Variants in TMEM131 observed in about 807,000 individuals in gnomAD.
TMEM131 encodes transmembrane protein 131.
TMEM131 carries 66 observed loss-of-function variants against 211.6 expected under a neutral mutation model. That is an observed-to-expected ratio of 0.31 (90% CI 0.26 to 0.38). The LOEUF is 0.38. Among genes scored for constraint, TMEM131 ranks in the 10% least tolerant of loss-of-function variants. The pLI is 1.00. For missense variants in TMEM131, 2,036 were observed against 2,299.3 expected, an observed-to-expected ratio of 0.89 and a Z score of 2.34; for synonymous variants, 844 against 841.3, an observed-to-expected ratio of 1.00 and a Z score of -0.06.
chr2:97,773,867 T>C (rs1016601702), intron 32 of TMEM131, among the ~76,000 whole-genome samples: 5 of 152,190 alleles, frequency 3.3e-5, no homozygotes, highest in African/African-American at 1.2e-4. Context: ...TGGAGTGGGC[T>C]GTGTACTAAA....
chr2:97,952,433 AC>A (rs1487039828), intron 1 of TMEM131, among the ~76,000 whole-genome samples: 1 of 152,234 alleles, frequency 6.6e-6, no homozygotes, highest in African/African-American at 2.4e-5. Context: ...AAAACTAAAG[AC>A]AAAAAGTCTT....
At chr2:97,991,690 G>A (rs1275531962) in intron 1 of TMEM131, among the ~76,000 whole-genome samples, 1 of 152,172 alleles carries the variant, frequency 6.6e-6, no homozygotes, top group Non-Finnish European at 1.5e-5. Flanking sequence ...ACAAGAGACC[G>A]TAGGGGAAAA....
chr2:97,825,565 A>G (rs1271549964), intron 11 of TMEM131, among the ~76,000 whole-genome samples: 8 of 152,222 alleles, frequency 5.3e-5, no homozygotes, highest in Non-Finnish European at 1.2e-4. Context: ...ATACTCATCT[A>G]GTAGAATAGG....
chr2:97,820,295 C>T (rs1195133350), intron 11 of TMEM131, among the ~76,000 whole-genome samples: 1 of 152,160 alleles, frequency 6.6e-6, no homozygotes, highest in Admixed American at 6.5e-5. Flanking sequence ...ATTTAAAATA[C>T]AAATTTCTTC....
rs772826823 is a variant in TMEM131, at chr2:97,811,085, T to C, written c.1968+43A>G. On this transcript the variant is annotated intron_variant, in intron 18 of 40. Transcript: ENST00000186436. Reference sequence around the variant, plus strand: ...ATAAAGACAAGAAAGGACTGACTTATTCAGAAAAACCCCACTGCCATGAAT... The same window carrying C: ...ATAAAGACAAGAAAGGACTGACTTACTCAGAAAAACCCCACTGCCATGAAT... The C allele has an allele frequency of 4.4e-6, 6 of 1,360,468 alleles. No individual in the cohort carries two copies. The African/African-American group carries it at 5.7e-5, about 13-fold the overall frequency. 84.3% of individuals were successfully genotyped at this position (1,360,468 alleles called of 1,614,324 possible). A position where few individuals can be genotyped will look rare whatever the true frequency, so the allele number is the denominator to read the frequency against.
In TMEM131 at chr2:97,943,045, GAA is replaced by G. The variant is rs767704233; in HGVS notation, c.188-15560_188-15559del. Among the ~76,000 whole-genome samples the G allele has an allele frequency of 2.8e-4, 15 of 52,710 alleles. No homozygotes were observed. The South Asian group carries it at 3.5e-3, about 12-fold the overall frequency. The allele number at this position is 52,710 out of a possible 152,430, so 34.6% of individuals were successfully genotyped here. A position where few individuals can be genotyped will look rare whatever the true frequency, so the allele number is the denominator to read the frequency against. On this transcript the variant is annotated intron_variant, in intron 1 of 40. Transcript: ENST00000186436. ...AGAAAAGAAAAGAAAAGAAAAGAAA[GAA>G]AGAAAGAAAGAAAGAAAGAAAGAAA... is the stretch of plus-strand genomic sequence containing the variant.
At chr2:97,871,446 C>A (rs1674485675) in intron 4 of TMEM131, among the ~76,000 whole-genome samples, 1 of 152,160 alleles carries the variant, frequency 6.6e-6, no homozygotes, top group Non-Finnish European at 1.5e-5. Flanking sequence ...ATCAGAGGGG[C>A]CTGAGATAAC....
At chr2:97,818,783 T>A in intron 11 of TMEM131, 62 bp from the exon 12 acceptor site, 1 of 1,103,092 alleles carries the variant, frequency 9.1e-7, no homozygotes, top group Non-Finnish European at 1.3e-6. Context: ...AGTTGCCTTA[T>A]ACTTATACTG....
chr2:97,812,728 T>C lies in TMEM131; in HGVS notation c.1639A>G (p.Ile547Val), dbSNP rs1681609835. ...FLDYFVLPPK[I>V]EERFIDFGVL... is the part of the protein sequence containing the mutation. ...CCAAAATCTATGAAACGTTCCTCTATTTTGGGGGGCAATACAAAGTACTGG... is the reference window on the plus strand; with the variant it reads ...CCAAAATCTATGAAACGTTCCTCTACTTTGGGGGGCAATACAAAGTACTGG... The change falls in exon 16 of 41, where the codon ATA (isoleucine) becomes GTA (valine). Residue 547 changes from isoleucine to valine, a missense_variant. Physicochemically the swap from Ile to Val is conservative, Grantham distance 29. This residue lies in a region of TMEM131 where 1,623 missense variants were observed against 1,805.9 expected (regional missense o/e 0.90). Coordinates refer to ENST00000186436, the MANE Select transcript of TMEM131 (RefSeq NM_015348.2). The C allele has an allele frequency of 6.3e-7, 1 of 1,585,704 alleles. No homozygotes were observed. Among genetic ancestry groups the C allele is most frequent in the Non-Finnish European group, 8.5e-7 (1 of 1,170,666 alleles).
intron 1 of TMEM131, among the ~76,000 whole-genome samples, chr2:97,978,309 A>G (rs1679634763): frequency 6.6e-6 from 1 of 152,190 alleles, no homozygotes; most frequent in Admixed American, 6.5e-5. Context: ...CAATGTTCAC[A>G]GCATCTTCAC....
intron 1 of TMEM131, among the ~76,000 whole-genome samples, chr2:97,989,098 T>C (rs1680153553): frequency 1.3e-5 from 2 of 152,198 alleles, no homozygotes; most frequent in Admixed American, 1.3e-4. Context: ...ACTATAAATG[T>C]TGTCTTTTTT....
At chr2:97,932,002 G>A (rs1307040105) in intron 1 of TMEM131, among the ~76,000 whole-genome samples, 1 of 151,866 alleles carries the variant, frequency 6.6e-6, no homozygotes, top group Admixed American at 6.6e-5. Context: ...TCTGTGCCTA[G>A]AAGCAAGTCT....
intron 19 of TMEM131, among the ~76,000 whole-genome samples, chr2:97,809,425 C>A (rs1352162011): frequency 6.6e-6 from 1 of 152,170 alleles, no homozygotes; most frequent in Non-Finnish European, 1.5e-5. Context: ...TCCCTCACAG[C>A]ACTTTATTTT....
intron 3 of TMEM131, among the ~76,000 whole-genome samples, chr2:97,903,776 C>T (rs1203158814): frequency 1.3e-5 from 2 of 152,048 alleles, no homozygotes; most frequent in African/African-American, 2.4e-5. Context: ...TTCCGCCTCC[C>T]GGGTTCAAGC....
At chr2:97,841,516 G>A (rs1683191389) in intron 7 of TMEM131, among the ~76,000 whole-genome samples, 1 of 152,178 alleles carries the variant, frequency 6.6e-6, no homozygotes, top group South Asian at 2.1e-4. Flanking sequence ...GCAGCCTTGT[G>A]TAGCTAAAAA....
chr2:97,805,147 C>G lies in TMEM131; in HGVS notation c.2343G>C (p.Trp781Cys). ...CCTTGAACAGGCTTTGATGCAAATCCCAGTCAGCATCCCACATATCTTCCT... is the reference window on the plus strand; with the variant it reads ...CCTTGAACAGGCTTTGATGCAAATCGCAGTCAGCATCCCACATATCTTCCT... ...AMQEDMWDAD[W>C]DLHQSLFKGW... The change falls in exon 22 of 41, where the codon TGG becomes TGC. Residue 781 changes from tryptophan (W) to cysteine (C), a missense_variant. Coordinates refer to ENST00000186436, the MANE Select transcript of TMEM131 (RefSeq NM_015348.2). 6.2e-7 allele frequency: 1 copy of G among 1,613,840 alleles called. No homozygotes were observed. Among genetic ancestry groups the G allele is most frequent in the Non-Finnish European group, 8.5e-7 (1 of 1,179,836 alleles).
chr2:97,945,581 T>C (rs1677994776), intron 1 of TMEM131, among the ~76,000 whole-genome samples: 1 of 152,102 alleles, frequency 6.6e-6, no homozygotes, highest in Admixed American at 6.5e-5. Flanking sequence ...GAGGACAAAA[T>C]GTAATCTCTG....
At chr2:97,771,626 A>T (rs1679468716) in intron 33 of TMEM131, among the ~76,000 whole-genome samples, 1 of 152,232 alleles carries the variant, frequency 6.6e-6, no homozygotes, top group Non-Finnish European at 1.5e-5. Context: ...GGTATTACTG[A>T]TGCACCAACA....
At chr2:97,930,641 ATTATAT>A (rs1309607659) in intron 1 of TMEM131, among the ~76,000 whole-genome samples, 4 of 151,810 alleles carry the variant, frequency 2.6e-5, no homozygotes, top group African/African-American at 9.7e-5. Flanking sequence ...ATACCTTTCA[ATTATAT>A]GCCTCAAAAA....
Sources: allele counts gnomAD v4.1 joint callset (sites outside exome capture counted in the v4.1 genomes callset), GRCh38; gene constraint gnomAD v4.1.1; regional missense constraint gnomAD v4.1.1; transcripts MANE v1.5; gene names NCBI Gene and HGNC (gene_info 2026-07-23, HGNC 2026-07-21).